The following ZNF83 variants were observed in gnomAD, a reference collection of about 807,000 sequenced individuals.
The protein encoded by ZNF83 is zinc finger protein 83, also known as zinc finger protein 816B.
For synonymous variants in ZNF83, 209 were observed against 213.0 expected, an observed-to-expected ratio of 0.98 and a Z score of 0.17; for missense variants, 552 against 629.9, an observed-to-expected ratio of 0.88 and a Z score of 1.32.
chr19:52,689,891 C>A (rs920819163), intron 1 of ZNF83, among the ~76,000 whole-genome samples: 2 of 152,234 alleles, frequency 1.3e-5, no homozygotes, highest in African/African-American at 4.8e-5. Flanking sequence ...AGGCCCCGGG[C>A]ACCTCCCCAA....
intron 1 of ZNF83, 193 bp from the exon 2 acceptor site, chr19:52,635,346 A>G (rs917860243): frequency 1.7e-4 from 57 of 340,392 alleles, no homozygotes; most frequent in Non-Finnish European, 2.6e-4. Flanking sequence ...ACCCTTCTGG[A>G]GGAGTCCACA....
intron 3 of ZNF83, chr19:52,652,973 A>C (rs1317236670): frequency 3.0e-6 from 4 of 1,319,138 alleles, no homozygotes; most frequent in Non-Finnish European, 3.3e-6. Flanking sequence ...CACTCATTAC[A>C]CCTGTAAGGT....
chr19:52,631,358 T>C (rs2060952510), intron 2 of ZNF83, among the ~76,000 whole-genome samples: 2 of 152,198 alleles, frequency 1.3e-5, no homozygotes, highest in Non-Finnish European at 2.9e-5. Flanking sequence ...AACGGCACCC[T>C]GTAGCCTTTC....
At chr19:52,683,481 C>T (rs2061960882) in intron 1 of ZNF83, among the ~76,000 whole-genome samples, 1 of 138,996 alleles carries the variant, frequency 7.2e-6, no homozygotes, top group East Asian at 2.0e-4. Flanking sequence ...TCATGCCCCT[C>T]AGGTCCCTGA....
chr19:52,628,077 CCTAT>C (rs749315237), intron 2 of ZNF83, among the ~76,000 whole-genome samples: 11 of 152,120 alleles, frequency 7.2e-5, no homozygotes, highest in Admixed American at 2.6e-4. Flanking sequence ...TGGCCCAACC[CCTAT>C]CTATCTCCCT....
chr19:52,647,860 A>C, intron 3 of ZNF83, among the ~76,000 whole-genome samples: 3 of 141,568 alleles, frequency 2.1e-5, no homozygotes, highest in African/African-American at 8.0e-5. Flanking sequence ...CCATCTCTGC[A>C]CCTCCTCTTT....
intron 1 of ZNF83, chr19:52,690,373 C>A (rs1467952103): frequency 1.3e-5 from 2 of 155,918 alleles, no homozygotes; most frequent in Admixed American, 1.3e-4. Flanking sequence ...CTGTGGGGAC[C>A]CTAGGTCCGA....
intron 2 of ZNF83, chr19:52,619,152 A>T: frequency 6.2e-7 from 1 of 1,610,790 alleles, no homozygotes; most frequent in East Asian, 2.2e-5. Flanking sequence ...CAAGGATTTA[A>T]TTGTAGTGAA....
intron 1 of ZNF83, among the ~76,000 whole-genome samples, chr19:52,664,243 C>A (rs895427824): frequency 6.6e-6 from 1 of 151,452 alleles, no homozygotes; most frequent in African/African-American, 2.4e-5. Flanking sequence ...TGCCTGTAAT[C>A]CCAAGACTTT....
At chr19:52,651,461 T>C (rs1276472771) in intron 3 of ZNF83, 2 of 152,100 alleles carry the variant, frequency 1.3e-5, no homozygotes, top group Non-Finnish European at 2.9e-5. Flanking sequence ...GATGATATAC[T>C]AGTGTCAGGG....
At chr19:52,647,841 C>T (rs1371460365) in intron 3 of ZNF83, among the ~76,000 whole-genome samples, 1 of 151,782 alleles carries the variant, frequency 6.6e-6, no homozygotes, top group African/African-American at 2.4e-5. Context: ...TATATTTCCA[C>T]CTCTTCTCCC....
intron 3 of ZNF83, chr19:52,655,289 A>T (rs181333485): frequency 8.9e-5 from 29 of 327,088 alleles, no homozygotes; most frequent in Non-Finnish European, 1.4e-4. Context: ...AATTCTGCTC[A>T]GGGCTACCAG....
intron 3 of ZNF83, among the ~76,000 whole-genome samples, chr19:52,649,755 G>T (rs1294592930): frequency 5.3e-5 from 8 of 152,118 alleles, no homozygotes; most frequent in African/African-American, 1.9e-4. Flanking sequence ...GTTACCAATA[G>T]CTAGCCATTG....
At chr19:52,686,459 CATATATAT>C (rs3055374) in intron 1 of ZNF83, among the ~76,000 whole-genome samples, 101,897 of 143,060 alleles carry the variant, frequency 0.71, 37,056 homozygotes, top group African/African-American at 0.91. Context: ...AAAAAAATTA[CATATATAT>C]ATATATATAT....
chr19:52,613,887 A>G (rs2060206743), exon 3 of ZNF83: 1 of 1,613,816 alleles, frequency 6.2e-7, no homozygotes, highest in East Asian at 2.2e-5. Context: ...CTCCAGTATG[A>G]ATTGTCCGAT....
At chr19:52,654,446 T>G (rs1278009146) in intron 3 of ZNF83, 2 of 768,716 alleles carry the variant, frequency 2.6e-6, no homozygotes, top group African/African-American at 3.5e-5. Flanking sequence ...TAAGTACAGA[T>G]GGTAAATAAT....
chr19:52,622,138 C>G (rs2060572711), intron 2 of ZNF83, among the ~76,000 whole-genome samples: 1 of 152,060 alleles, frequency 6.6e-6, no homozygotes, highest in Non-Finnish European at 1.5e-5. Context: ...GTCACCTCCC[C>G]TCCCCACACC....
At chr19:52,641,911 T>G (rs2061311339), upstream of ZNF83, among the ~76,000 whole-genome samples, 1 of 152,140 alleles carries the variant, frequency 6.6e-6, no homozygotes, top group African/African-American at 2.4e-5. Context: ...TAATTCGGTC[T>G]GGAAAGGTGG....
chr19:52,618,267 T>G (rs976793491), intron 2 of ZNF83, among the ~76,000 whole-genome samples: 8 of 135,150 alleles, frequency 5.9e-5, no homozygotes, highest in Non-Finnish European at 9.3e-5. Flanking sequence ...AATTTTTGTG[T>G]TTTTTTTTTT....
Sources: allele counts gnomAD v4.1 joint callset (sites outside exome capture counted in the v4.1 genomes callset), GRCh38; gene constraint gnomAD v4.1.1; transcripts MANE v1.5; gene names NCBI Gene and HGNC (gene_info 2026-07-23, HGNC 2026-07-21).